Variants in ENOX1 observed in about 807,000 individuals in gnomAD.
ENOX1 encodes the protein candidate growth-related and time keeping constitutive hydroquinone (NADH) oxidase.
In ENOX1, 42 loss-of-function variants were observed where a neutral mutation model predicts 82.5. The observed-to-expected ratio is 0.51, with a 90% confidence interval of 0.40 to 0.66. ENOX1 has a LOEUF of 0.66. Among genes scored for constraint, ENOX1 ranks in the 30% least tolerant of loss-of-function variants. ENOX1 has a pLI of 0.00. For synonymous variants in ENOX1, 271 were observed against 282.2 expected, an observed-to-expected ratio of 0.96 and a Z score of 0.40; for missense variants, 608 against 811.6, an observed-to-expected ratio of 0.75 and a Z score of 3.05.
At chr13:43,771,629 T>A (rs1045262069) in intron 1 of ENOX1, among the ~76,000 whole-genome samples, 4 of 152,176 alleles carry the variant, frequency 2.6e-5, no homozygotes, top group African/African-American at 9.7e-5. Context: ...GGTTTAGAAA[T>A]ATCTACCAAA....
intron 1 of ENOX1, among the ~76,000 whole-genome samples, chr13:43,729,728 A>C (rs775387644): frequency 2.8e-4 from 42 of 152,384 alleles, no homozygotes; most frequent in Non-Finnish European, 7.3e-5. Context: ...GAAGCAGATG[A>C]CAGAACAATA....
chr13:43,266,570 G>T (rs1343778222), intron 13 of ENOX1, among the ~76,000 whole-genome samples: 1 of 152,036 alleles, frequency 6.6e-6, no homozygotes, highest in Non-Finnish European at 1.5e-5. Context: ...TCCCACTTAA[G>T]AAAAAAGTCT....
chr13:43,226,943 A>T (rs1448059760), intron 15 of ENOX1, among the ~76,000 whole-genome samples: 1 of 150,684 alleles, frequency 6.6e-6, no homozygotes, highest in African/African-American at 2.5e-5. Flanking sequence ...ATAAGACTTG[A>T]GCAGTCTTAA....
At chr13:43,347,410 C>T (rs561004698) in intron 8 of ENOX1, among the ~76,000 whole-genome samples, 1 of 152,256 alleles carries the variant, frequency 6.6e-6, no homozygotes, top group East Asian at 1.9e-4. Flanking sequence ...TCTGAACTTT[C>T]TGAAACTGAC....
chr13:43,634,787 G>T (rs183375555), intron 2 of ENOX1, among the ~76,000 whole-genome samples: 1 of 152,164 alleles, frequency 6.6e-6, no homozygotes, highest in Non-Finnish European at 1.5e-5. Flanking sequence ...TATCAGCCAG[G>T]TGATATTATA....
intron 1 of ENOX1, among the ~76,000 whole-genome samples, chr13:43,695,754 T>G (rs1485451573): frequency 6.6e-6 from 1 of 152,178 alleles, no homozygotes; most frequent in Non-Finnish European, 1.5e-5. Flanking sequence ...GGCCTCATTT[T>G]TTTCTTCACT....
chr13:43,470,134 A>G (rs930723132), intron 3 of ENOX1, among the ~76,000 whole-genome samples: 1 of 150,492 alleles, frequency 6.6e-6, no homozygotes, highest in African/African-American at 2.4e-5. Context: ...ATGGATAATA[A>G]ATCTAAACAT....
chr13:43,353,623 C>T (rs1049821819), intron 8 of ENOX1, among the ~76,000 whole-genome samples: 6 of 152,200 alleles, frequency 3.9e-5, no homozygotes, highest in African/African-American at 1.4e-4. Flanking sequence ...CTCTCTAAGG[C>T]AGCCAATTTC....
intron 3 of ENOX1, among the ~76,000 whole-genome samples, chr13:43,431,016 A>C (rs1429238847): frequency 6.8e-6 from 1 of 147,962 alleles, no homozygotes; most frequent in Non-Finnish European, 1.5e-5. Context: ...CCCTATTTGC[A>C]AACTAAGCCA....
intron 2 of ENOX1, among the ~76,000 whole-genome samples, chr13:43,613,711 T>A (rs774503820): frequency 9.2e-5 from 14 of 152,166 alleles, no homozygotes; most frequent in African/African-American, 2.9e-4. Flanking sequence ...CTACCAAGAC[T>A]GAACCATAAA....
intron 1 of ENOX1, among the ~76,000 whole-genome samples, chr13:43,705,587 G>T (rs182998423): frequency 6.6e-6 from 1 of 151,744 alleles, no homozygotes; most frequent in Non-Finnish European, 1.5e-5. Context: ...AGAAAATGAG[G>T]GTAATTTCAT....
Position 43,258,347 on chromosome 13 carries a change from C to G in ENOX1, c.1611+7051G>C, listed in dbSNP as rs142901070. ...TTTTCAGTTGGAACTATGGGTTTCA[C>G]AGTGAATTGCAGCACATACAGTTAA... is the stretch of plus-strand genomic sequence containing the variant. On this transcript the variant is annotated intron_variant, in intron 14 of 16. Coordinates refer to ENST00000690772, the MANE Select transcript of ENOX1 (RefSeq NM_001347969.2). Among the ~76,000 whole-genome samples the G allele has an allele frequency of 1.7e-3, 266 of 152,226 alleles. 1 individual carries two copies. The highest frequency in any genetic ancestry group is 6.2e-3 in the African/African-American group (258 of 41,532).
At chr13:43,587,995 CTGCA>C (rs2081072746) in intron 2 of ENOX1, among the ~76,000 whole-genome samples, 1 of 151,940 alleles carries the variant, frequency 6.6e-6, no homozygotes, top group Non-Finnish European at 1.5e-5. Context: ...AAGGCAGAGA[CTGCA>C]TTTTAAGTTA....
At chr13:43,270,973 T>C (rs1473001240) in intron 12 of ENOX1, among the ~76,000 whole-genome samples, 1 of 152,182 alleles carries the variant, frequency 6.6e-6, no homozygotes, top group Admixed American at 6.5e-5. Context: ...AGCACCTACA[T>C]TGTGTCCAGA....
chr13:43,397,249 T>G (rs561547344), intron 5 of ENOX1, among the ~76,000 whole-genome samples: 1 of 152,370 alleles, frequency 6.6e-6, no homozygotes, highest in South Asian at 2.1e-4. Context: ...TCCTCACAGC[T>G]GGGGATGAAC....
chr13:43,463,530 T>C lies in ENOX1; in HGVS notation c.-75+20479A>G, dbSNP rs79072057. ...AAAAGCATCACCTTGGAATGGCTAA[T>C]GAAGATAAATGTATGCAGCTAGCTT... On this transcript the variant is annotated intron_variant, in intron 3 of 16. Coordinates refer to ENST00000690772, the MANE Select transcript of ENOX1 (RefSeq NM_001347969.2). Among the ~76,000 whole-genome samples the C allele has an allele frequency of 5.7e-3, 866 of 152,290 alleles. 21 individuals carry two copies. The East Asian group carries it at 0.089, about 16-fold the overall frequency.
At chr13:43,348,937 A>T (rs1256698858) in intron 8 of ENOX1, among the ~76,000 whole-genome samples, 1 of 152,220 alleles carries the variant, frequency 6.6e-6, no homozygotes, top group African/African-American at 2.4e-5. Context: ...AATTGTGAAG[A>T]AGTAAAAAGA....
chr13:43,441,450 C>A (rs1045463518), intron 3 of ENOX1, among the ~76,000 whole-genome samples: 2 of 152,042 alleles, frequency 1.3e-5, no homozygotes, highest in Non-Finnish European at 2.9e-5. Flanking sequence ...GGAAAAAAGA[C>A]AGGAGTAGTA....
At chr13:43,639,708 A>G (rs557699331) in intron 2 of ENOX1, among the ~76,000 whole-genome samples, 1 of 152,270 alleles carries the variant, frequency 6.6e-6, no homozygotes, top group Admixed American at 6.5e-5. Flanking sequence ...ATTCACTTAG[A>G]ATTTTTTTCA....
Sources: gnomAD v4.1 joint callset for allele counts (sites outside exome capture counted in the v4.1 genomes callset) on GRCh38, gnomAD v4.1.1 for gene constraint, MANE v1.5 for transcripts, NCBI Gene and HGNC (gene_info 2026-07-23, HGNC 2026-07-21) for gene names.